Variants in TTC6 observed in about 807,000 individuals in gnomAD.
The protein encoded by TTC6 is tetratricopeptide repeat domain 6.
Under a neutral mutation model 210.4 loss-of-function variants are expected in TTC6, and 172 were observed. The ratio of observed to expected loss-of-function variants is 0.82; its 90% confidence interval spans 0.72 to 0.93. The LOEUF is 0.93. Among genes scored for constraint, TTC6 ranks in the 40% least tolerant of loss-of-function variants. The pLI, the probability that TTC6 is intolerant of heterozygous loss-of-function variation, is 0.00. For missense variants in TTC6, 2,414 were observed against 2,318.1 expected (o/e 1.04, Z -0.85); for synonymous variants, 804 against 819.6 (o/e 0.98, Z 0.32).
At chr14:37,833,818 A>G (rs1240479624) in intron 29 of TTC6, among the ~76,000 whole-genome samples, 3 of 151,832 alleles carry the variant, frequency 2.0e-5, no homozygotes, top group African/African-American at 7.3e-5. Context: ...GATGGTGGAT[A>G]TTGTCTTTTG....
chr14:37,786,557 G>A (rs533236944), intron 14 of TTC6, among the ~76,000 whole-genome samples: 5 of 152,302 alleles, frequency 3.3e-5, no homozygotes, highest in Admixed American at 1.3e-4. Flanking sequence ...GGGAATTCCC[G>A]GACCCCTTGC....
chr14:37,805,416 G>GAC (rs60931072), intron 21 of TTC6, among the ~76,000 whole-genome samples: 5,064 of 146,434 alleles, frequency 0.035, 110 homozygotes, highest in South Asian at 0.095. Flanking sequence ...TCTATCTCAA[G>GAC]ACACACACAC....
chr14:37,741,400 T>C (rs569236441), intron 10 of TTC6, among the ~76,000 whole-genome samples: 1 of 117,672 alleles, frequency 8.5e-6, no homozygotes, highest in African/African-American at 2.9e-5. Flanking sequence ...GTGATTCCCA[T>C]GCCTTAGCCT....
At chr14:37,754,618 A>G (rs1379786875) in intron 14 of TTC6, among the ~76,000 whole-genome samples, 2 of 151,926 alleles carry the variant, frequency 1.3e-5, no homozygotes, top group Non-Finnish European at 2.9e-5. Context: ...TTTTTAGTAG[A>G]GACAGGGTTT....
intron 1 of TTC6, among the ~76,000 whole-genome samples, chr14:37,639,988 G>A (rs2095688723): frequency 6.6e-6 from 1 of 150,520 alleles, no homozygotes; most frequent in Non-Finnish European, 1.5e-5. Flanking sequence ...TCACATATAT[G>A]TATATGTATA....
intron 14 of TTC6, among the ~76,000 whole-genome samples, chr14:37,769,709 C>G (rs2096011689): frequency 6.7e-6 from 1 of 149,582 alleles, no homozygotes; most frequent in Non-Finnish European, 1.5e-5. Context: ...CTTTATTAGT[C>G]TTGCTAGTAG....
intron 7 of TTC6, among the ~76,000 whole-genome samples, chr14:37,732,147 A>G (rs1475679424): frequency 8.2e-6 from 1 of 121,580 alleles, no homozygotes; most frequent in East Asian, 2.5e-4. Flanking sequence ...CACATATTTT[A>G]TGTTATGTGT....
intron 12 of TTC6, 51 bp from the exon 15 acceptor site, chr14:37,751,002 T>A (rs1184324476): frequency 6.4e-6 from 8 of 1,246,752 alleles, no homozygotes; most frequent in Non-Finnish European, 8.5e-6. Context: ...AAAATTTTCA[T>A]AGGAATGAAA....
At chr14:37,737,935 A>C (rs781381942) in intron 9 of TTC6, among the ~76,000 whole-genome samples, 23 of 152,094 alleles carry the variant, frequency 1.5e-4, no homozygotes, top group Admixed American at 5.9e-4. Flanking sequence ...ACTTTAGTAC[A>C]TATCTTAAAG....
At chr14:37,695,203 G>A (rs921800083) in intron 3 of TTC6, among the ~76,000 whole-genome samples, 2 of 152,064 alleles carry the variant, frequency 1.3e-5, no homozygotes, top group Admixed American at 6.6e-5. Flanking sequence ...TTGAACCCAT[G>A]GAGATAGAGA....
At chr14:37,649,054 C>T (rs2095706632) in intron 1 of TTC6, among the ~76,000 whole-genome samples, 1 of 152,072 alleles carries the variant, frequency 6.6e-6, no homozygotes. Context: ...ATGCTGGACA[C>T]CTCTGTTGAG....
intron 5 of TTC6, among the ~76,000 whole-genome samples, chr14:37,702,204 A>C (rs2095826760): frequency 6.6e-6 from 1 of 152,114 alleles, no homozygotes; most frequent in African/African-American, 2.4e-5. Flanking sequence ...TTCATGAAGA[A>C]ATTTAGGGTT....
chr14:37,811,496 A>G (rs2139434300), intron 24 of TTC6, among the ~76,000 whole-genome samples: 1 of 152,314 alleles, frequency 6.6e-6, no homozygotes, highest in Middle Eastern at 3.4e-3. Context: ...TACAGGCATA[A>G]TAAGATTTAG....
intron 1 of TTC6, among the ~76,000 whole-genome samples, chr14:37,666,584 C>G (rs970163077): frequency 1.3e-5 from 2 of 150,478 alleles, no homozygotes; most frequent in African/African-American, 4.8e-5. Context: ...TCTTGCTTCT[C>G]TCAGAGGGTG....
intron 14 of TTC6, among the ~76,000 whole-genome samples, chr14:37,775,766 G>A (rs1566946385): frequency 1.3e-5 from 2 of 152,110 alleles, no homozygotes; most frequent in Non-Finnish European, 2.9e-5. Flanking sequence ...CTCTTCATAG[G>A]TCTCTAAGAA....
intron 1 of TTC6, among the ~76,000 whole-genome samples, chr14:37,625,807 T>C (rs1232154405): frequency 6.6e-6 from 1 of 152,138 alleles, no homozygotes; most frequent in Non-Finnish European, 1.5e-5. Flanking sequence ...GTTGAGAGCT[T>C]GGGAAAGGAC....
chr14:37,626,261 G>A (rs1243060718), intron 1 of TTC6, among the ~76,000 whole-genome samples: 1 of 152,164 alleles, frequency 6.6e-6, no homozygotes, highest in East Asian at 1.9e-4. Context: ...CTAATTACAT[G>A]TGGCTGGGGT....
chr14:37,827,695 A>G, intron 29 of TTC6: 1 of 195,094 alleles, frequency 5.1e-6, no homozygotes, highest in Non-Finnish European at 1.0e-5. Context: ...GTCTTGACAT[A>G]TGTGTACCCC....
chr14:37,617,140 C>T (rs995274417), upstream of TTC6, among the ~76,000 whole-genome samples: 5 of 152,118 alleles, frequency 3.3e-5, no homozygotes, highest in South Asian at 4.1e-4. Flanking sequence ...CCTCCCAAAG[C>T]GCTGGGATTG....
Sources: allele counts gnomAD v4.1 joint callset (sites outside exome capture counted in the v4.1 genomes callset), GRCh38; gene constraint gnomAD v4.1.1; transcripts MANE v1.5; gene names NCBI Gene and HGNC (gene_info 2026-07-23, HGNC 2026-07-21).